The following HIBADH variants were observed in gnomAD, a reference collection of about 807,000 sequenced individuals.
HIBADH encodes 3-hydroxyisobutyrate dehydrogenase.
HIBADH carries 25 observed loss-of-function variants against 36.1 expected under a neutral mutation model. The ratio of observed to expected loss-of-function variants is 0.69; its 90% CI spans 0.50 to 0.97. HIBADH has a LOEUF of 0.97. Among genes scored for constraint, HIBADH ranks in the 50% least tolerant of loss-of-function variants. The pLI, the probability that HIBADH is intolerant of heterozygous loss-of-function variation, is 0.00. For synonymous variants in HIBADH, 160 were observed against 149.5 expected (o/e 1.07, Z -0.51); for missense variants, 421 against 418.0 (o/e 1.01, Z -0.06).
chr7:27,645,381 T>TGTTTGTTTGTTTTG (rs1562657286), intron 2 of HIBADH, among the ~76,000 whole-genome samples: 1 of 129,366 alleles, frequency 7.7e-6, no homozygotes. Context: ...TTTTTTTTTT[T>TGTTTGTTTGTTTTG]TTTTTTTTTT....
At chr7:27,597,708 CT>C (rs1216779252) in intron 4 of HIBADH, among the ~76,000 whole-genome samples, 2 of 152,156 alleles carry the variant, frequency 1.3e-5, no homozygotes, top group African/African-American at 4.8e-5. Flanking sequence ...GGGCTTAAGA[CT>C]GCAGATGCTG....
intron 4 of HIBADH, among the ~76,000 whole-genome samples, chr7:27,566,005 G>A (rs988854726): frequency 1.3e-5 from 2 of 152,006 alleles, no homozygotes; most frequent in Non-Finnish European, 2.9e-5. Context: ...AACAAGATTT[G>A]CATTCTAAGA....
At chr7:27,607,220 T>C (rs1337597161) in intron 4 of HIBADH, among the ~76,000 whole-genome samples, 1 of 150,910 alleles carries the variant, frequency 6.6e-6, no homozygotes, top group Non-Finnish European at 1.5e-5. Flanking sequence ...TATTTAAAAG[T>C]CTGCGGCTGG....
intron 4 of HIBADH, among the ~76,000 whole-genome samples, chr7:27,598,459 G>A (rs760207779): frequency 1.3e-5 from 2 of 152,096 alleles, no homozygotes; most frequent in Middle Eastern, 3.4e-3. Flanking sequence ...TTTAAAGAAG[G>A]AATAAGAATC....
intron 4 of HIBADH, among the ~76,000 whole-genome samples, chr7:27,560,724 A>G (rs1784452017): frequency 6.6e-6 from 1 of 152,148 alleles, no homozygotes; most frequent in African/African-American, 2.4e-5. Flanking sequence ...TTGTCCATTT[A>G]TCCACTGATG....
intron 2 of HIBADH, among the ~76,000 whole-genome samples, chr7:27,633,951 T>C (rs28461898): frequency 0.011 from 1,728 of 152,354 alleles, 39 homozygotes; most frequent in African/African-American, 0.039. Context: ...TGTATTTATG[T>C]GCATTTGATG....
chr7:27,581,552 C>G (rs999158243), intron 4 of HIBADH, among the ~76,000 whole-genome samples: 3 of 152,056 alleles, frequency 2.0e-5, no homozygotes, highest in Non-Finnish European at 2.9e-5. Context: ...TTCCTTTTCT[C>G]CTCCAAATTT....
intron 3 of HIBADH, among the ~76,000 whole-genome samples, chr7:27,630,112 GT>G (rs1264312102): frequency 2.0e-5 from 3 of 152,052 alleles, no homozygotes; most frequent in Admixed American, 1.3e-4. Flanking sequence ...GCTTTTTAGG[GT>G]AACTTATATA....
chr7:27,584,305 T>C (rs1784829550), intron 4 of HIBADH, among the ~76,000 whole-genome samples: 1 of 152,036 alleles, frequency 6.6e-6, no homozygotes, highest in African/African-American at 2.4e-5. Context: ...AATTGGAAAA[T>C]ACTCGTTCAG....
chr7:27,560,241 C>A (rs566571118), intron 4 of HIBADH, among the ~76,000 whole-genome samples: 2 of 152,312 alleles, frequency 1.3e-5, no homozygotes, highest in Admixed American at 6.5e-5. Context: ...CCTGTCTCAA[C>A]CTTCCAAGTA....
rs537844155 is a variant in HIBADH, at chr7:27,581,867, T to C, written c.485-38767A>G. On this transcript the variant is annotated intron_variant, in intron 4 of 7. Coordinates refer to ENST00000265395, the MANE Select transcript of HIBADH (RefSeq NM_152740.4). ...CTACAAAAAAAAAACCCAATTCAAATGGATTTAGCTTCTTGTGTTTTCTTT... is the reference window on the plus strand; with the variant it reads ...CTACAAAAAAAAAACCCAATTCAAACGGATTTAGCTTCTTGTGTTTTCTTT... Among the ~76,000 whole-genome samples, 12 of 151,802 alleles carry C rather than the reference T, an allele frequency of 7.9e-5. No individual in the cohort carries two copies. In the South Asian group the frequency reaches 8.3e-4, roughly 11 times the overall value.
intron 1 of HIBADH, among the ~76,000 whole-genome samples, chr7:27,650,967 G>A (rs932015948): frequency 9.2e-5 from 14 of 152,104 alleles, no homozygotes; most frequent in African/African-American, 2.9e-4. Flanking sequence ...GCAACGTATG[G>A]TCCCTGTCCT....
chr7:27,547,047 C>A (rs1784244307), intron 4 of HIBADH, among the ~76,000 whole-genome samples: 1 of 152,194 alleles, frequency 6.6e-6, no homozygotes, highest in Non-Finnish European at 1.5e-5. Context: ...GACTTCCTAG[C>A]CCTCTCAGTA....
At chr7:27,601,422 C>T (rs1785129196) in intron 4 of HIBADH, among the ~76,000 whole-genome samples, 1 of 151,834 alleles carries the variant, frequency 6.6e-6, no homozygotes, top group Non-Finnish European at 1.5e-5. Context: ...TATGATTGTG[C>T]AATAAGCTTG....
intron 2 of HIBADH, among the ~76,000 whole-genome samples, chr7:27,639,138 C>T (rs1371002300): frequency 6.6e-6 from 1 of 152,118 alleles, no homozygotes. Flanking sequence ...CACATGCACC[C>T]GTATGTTCAT....
chr7:27,539,203 G>C (rs1277269867), intron 5 of HIBADH, among the ~76,000 whole-genome samples: 5 of 152,076 alleles, frequency 3.3e-5, no homozygotes, highest in African/African-American at 7.2e-5. Context: ...TATGATGTTG[G>C]ACAGAGTGGT....
intron 4 of HIBADH, among the ~76,000 whole-genome samples, chr7:27,576,533 A>T (rs1784713602): frequency 6.6e-6 from 1 of 152,234 alleles, no homozygotes; most frequent in South Asian, 2.1e-4. Context: ...ATTACTAAAC[A>T]GTGACCTCTA....
intron 3 of HIBADH, among the ~76,000 whole-genome samples, chr7:27,630,820 T>A (rs1785734429): frequency 6.6e-6 from 1 of 152,200 alleles, no homozygotes. Flanking sequence ...TCAAATGCAA[T>A]TGTTGGGTAT....
At chr7:27,553,086 A>G (rs1474753636) in intron 4 of HIBADH, among the ~76,000 whole-genome samples, 2 of 152,196 alleles carry the variant, frequency 1.3e-5, no homozygotes, top group Admixed American at 1.3e-4. Context: ...CAACACACAA[A>G]TTAAATGCAT....
Sources: gnomAD v4.1 joint callset for allele counts (sites outside exome capture counted in the v4.1 genomes callset) on GRCh38, gnomAD v4.1.1 for gene constraint, MANE v1.5 for transcripts, NCBI Gene and HGNC (gene_info 2026-07-23, HGNC 2026-07-21) for gene names.